Variants in MAPK9 observed in about 807,000 individuals in gnomAD.
MAPK9 encodes the protein Jun kinase.
MAPK9 carries 30 observed loss-of-function variants against 57.1 expected under a neutral mutation model. The observed-to-expected ratio is 0.53, with a 90% CI of 0.39 to 0.71. The LOEUF (loss-of-function observed/expected upper bound fraction) is 0.71, where lower values mean the gene tolerates loss of function less well. Among genes scored for constraint, MAPK9 ranks in the 30% least tolerant of loss-of-function variants. MAPK9 has a pLI of 0.00. For missense variants in MAPK9, 362 were observed against 521.0 expected, an observed-to-expected ratio of 0.69 and a Z score of 2.97; for synonymous variants, 155 against 177.0, an observed-to-expected ratio of 0.88 and a Z score of 0.99.
chr5:180,247,362 C>T lies in MAPK9; in HGVS notation c.688+77G>A, dbSNP rs1758216254. On this transcript the variant is annotated intron_variant, in intron 7 of 11. Transcript: ENST00000452135. The surrounding 1 kb of genome is among the most constrained non-coding windows in gnomAD (Gnocchi z 4.5). ...GATTTTACGACTTTGTCCTCGTGAG[C>T]GCTCGTGTAAGCAGGTGGTCATGCT... 1.9e-6 allele frequency: 3 copies of T among 1,551,794 alleles called. 1 individual carries two copies. The highest frequency in any genetic ancestry group is 2.2e-5 in the South Asian group (2 of 89,558).
At chr5:180,266,613 C>T (rs78234354) in intron 3 of MAPK9, among the ~76,000 whole-genome samples, 18,925 of 151,752 alleles carry the variant, frequency 0.12, 1,462 homozygotes, top group Non-Finnish European at 0.17. Context: ...CCACAGCGCC[C>T]GGCTGATACT....
At chr5:180,281,335 T>C (rs1295271196) in intron 1 of MAPK9, among the ~76,000 whole-genome samples, 1 of 152,232 alleles carries the variant, frequency 6.6e-6, no homozygotes, top group Admixed American at 6.5e-5. Flanking sequence ...TATGTCTGAG[T>C]GTAGGCCAGC....
At chr5:180,265,476 T>C (rs1216026068) in intron 3 of MAPK9, among the ~76,000 whole-genome samples, 2 of 152,216 alleles carry the variant, frequency 1.3e-5, no homozygotes, top group East Asian at 3.8e-4. Context: ...GGAGACCTGA[T>C]GGTTTTCTAA....
chr5:180,280,304 G>A (rs1757184771), intron 2 of MAPK9, 136 bp downstream of exon 2: 24 of 1,157,188 alleles, frequency 2.1e-5, no homozygotes, highest in Middle Eastern at 5.6e-4. Flanking sequence ...AGAGCAAGCA[G>A]TTGATTCAAT....
At chr5:180,262,678 C>T (rs1397632587) in intron 4 of MAPK9, among the ~76,000 whole-genome samples, 2 of 152,090 alleles carry the variant, frequency 1.3e-5, no homozygotes, top group African/African-American at 2.4e-5. Context: ...TCAAGTGATC[C>T]GCCCACCTCG....
At chr5:180,271,052 C>G (rs1022455197) in intron 2 of MAPK9, among the ~76,000 whole-genome samples, 1 of 151,974 alleles carries the variant, frequency 6.6e-6, no homozygotes, top group African/African-American at 2.4e-5. Context: ...TAGATTTGTT[C>G]TCATCAGAAA....
At chr5:180,242,220 G>C (rs1262038538) in intron 8 of MAPK9, among the ~76,000 whole-genome samples, 1 of 152,146 alleles carries the variant, frequency 6.6e-6, no homozygotes, top group East Asian at 1.9e-4. Flanking sequence ...AGGTGGGGAG[G>C]AAGGACCTTT....
intron 6 of MAPK9, among the ~76,000 whole-genome samples, chr5:180,248,402 T>C (rs552446670): frequency 6.6e-6 from 1 of 152,370 alleles, no homozygotes; most frequent in South Asian, 2.1e-4. Context: ...TCAGTCTTTT[T>C]AAAAATAAGT....
rs142676045 is a variant in MAPK9, at chr5:180,266,070, A to C, written c.253-1231T>G. Among the ~76,000 whole-genome samples the C allele has an allele frequency of 1.0e-3, 158 of 152,202 alleles. No individual in the cohort carries two copies. The Middle Eastern group carries it at 0.024, about 23-fold the overall frequency. ...TAAATAATGTCAAATGGAAAAAAAA[A>C]AGTAAAGGGCAATAGTTTTAATATT... On this transcript the variant is annotated intron_variant, in intron 3 of 11. Transcript: ENST00000452135.
intron 10 of MAPK9, among the ~76,000 whole-genome samples, 156 bp downstream of exon 10, chr5:180,239,762 CTTCAAG>C (rs575525893): frequency 2.6e-4 from 40 of 152,320 alleles, no homozygotes; most frequent in African/African-American, 8.4e-4. Context: ...ACTCTGTTCT[CTTCAAG>C]TTCATTTTCT....
rs192398031 is a variant in MAPK9, at chr5:180,266,609, C to A, written c.253-1770G>T. Among the ~76,000 whole-genome samples the A allele has an allele frequency of 4.7e-4, 71 of 151,774 alleles. No homozygotes were observed. In the East Asian group the frequency reaches 0.013, roughly 28 times the overall value. On this transcript the variant is annotated intron_variant, in intron 3 of 11. Transcript: ENST00000452135. ...TTGGGATTACAGGTGTGAGCCACAGCGCCCGGCTGATACTTTTTTTTTTTT... is the reference window on the plus strand; with the variant it reads ...TTGGGATTACAGGTGTGAGCCACAGAGCCCGGCTGATACTTTTTTTTTTTT...
At chr5:180,287,474 A>T (rs1227170827) in intron 1 of MAPK9, among the ~76,000 whole-genome samples, 11 of 152,092 alleles carry the variant, frequency 7.2e-5, no homozygotes, top group Non-Finnish European at 1.3e-4. Context: ...TCCCATTTGA[A>T]CTCCTTCAAC....
rs909919726 is a variant in MAPK9, at chr5:180,241,174, T to A, written c.872-19A>T. On this transcript the variant is annotated intron_variant, in intron 8 of 11. Transcript: ENST00000452135. Reference sequence around the variant, plus strand: ...TGACTTGCTAGGGTGACAACAAATATTAAATTAATGCTGTTAATATGAAAC... The same window carrying A: ...TGACTTGCTAGGGTGACAACAAATAATAAATTAATGCTGTTAATATGAAAC... The A allele has an allele frequency of 6.2e-7, 1 of 1,605,220 alleles. No individual in the cohort carries two copies. Among genetic ancestry groups the A allele is most frequent in the Non-Finnish European group, 8.5e-7 (1 of 1,175,386 alleles).
At chr5:180,245,659 A>G (rs923639016) in intron 7 of MAPK9, among the ~76,000 whole-genome samples, 2 of 152,188 alleles carry the variant, frequency 1.3e-5, no homozygotes, top group African/African-American at 4.8e-5. Context: ...CAGGCAGACC[A>G]CAGGTCTATT....
Position 180,261,788 on chromosome 5 carries a change from A to G in MAPK9, c.346T>C (p.Cys116Arg), listed in dbSNP as rs776363014. Residue 116 changes from cysteine to arginine, a missense_variant, in exon 5 of 12, where the codon TGT becomes CGT. Transcript: ENST00000452135. ...LVMELMDANL[C>R]QVIHMELDHE... ...TCCAGCTCCATGTGAATAACCTGAC[A>G]TAAGTTAGCATCCATTAATTCCATA... 4 of 1,612,638 alleles carry G rather than the reference A, an allele frequency of 2.5e-6. No homozygotes were observed. The highest frequency in any genetic ancestry group is 2.2e-5 in the South Asian group (2 of 90,638).
In MAPK9 at chr5:180,240,022, T is replaced by A. The variant is rs756190604; in HGVS notation, c.997-35A>T. The A allele has an allele frequency of 1.4e-4, 214 of 1,549,512 alleles. 1 individual carries two copies. Among genetic ancestry groups the A allele is most frequent in the Non-Finnish European group, 8.2e-5 (92 of 1,128,360 alleles). On this transcript the variant is annotated intron_variant, in intron 9 of 11. Transcript: ENST00000452135. ...AAATCATATGTAAAGTCAACAGTAA[T>A]GCCTCAAAAAAAAATGAGGCACTAA...
At chr5:180,249,202 C>A in intron 5 of MAPK9, 64 bp from the exon 6 acceptor site, 1 of 1,461,846 alleles carries the variant, frequency 6.8e-7, no homozygotes, top group South Asian at 1.3e-5. Flanking sequence ...TACTTCACAT[C>A]CGTGAGGGTC....
At chr5:180,289,668 G>A (rs1763059746) in intron 1 of MAPK9, among the ~76,000 whole-genome samples, 1 of 152,028 alleles carries the variant, frequency 6.6e-6, no homozygotes, top group African/African-American at 2.4e-5. Flanking sequence ...GGGCAAACAG[G>A]GCCTGGCTCC....
rs1758403360 is a variant in MAPK9, at chr5:180,249,009, G to A, written c.580C>T (p.Pro194Ser). 6.2e-7 allele frequency: 1 copy of A among 1,613,296 alleles called. No homozygotes were observed. The highest frequency in any genetic ancestry group is 1.3e-5 in the African/African-American group (1 of 74,896). Residue 194 changes from proline to serine, a missense_variant, in exon 6 of 12, where the codon CCC (proline) becomes TCC (serine). By Grantham distance (74) the Pro-to-Ser change is moderately conservative. This residue lies in a region of MAPK9 where 127 missense variants were observed against 231.7 expected (regional missense o/e 0.55). Transcript: ENST00000452135. ...TAGCCCATACCCAGGATGACTTCGGGCGCCCGGTAGTACCGTGTCACCACG... is the reference window on the plus strand; with the variant it reads ...TAGCCCATACCCAGGATGACTTCGGACGCCCGGTAGTACCGTGTCACCACG... ...PYVVTRYYRA[P>S]EVILGMGYKE...
Sources: allele counts gnomAD v4.1 joint callset (sites outside exome capture counted in the v4.1 genomes callset), GRCh38; gene constraint gnomAD v4.1.1; regional missense constraint gnomAD v4.1.1; non-coding constraint Gnocchi (gnomAD v3.1); transcripts MANE v1.5; gene names NCBI Gene and HGNC (gene_info 2026-07-23, HGNC 2026-07-21).